Variants in WDR47 observed in about 807,000 individuals in gnomAD.
The protein encoded by WDR47 is WD repeat-containing protein 47.
WDR47 carries 32 observed loss-of-function variants against 97.2 expected under a neutral mutation model. That is an observed-to-expected ratio of 0.33 (90% CI 0.25 to 0.44). The LOEUF (loss-of-function observed/expected upper bound fraction) is 0.44, where lower values mean the gene tolerates loss of function less well. WDR47 is among the 20% of genes least tolerant of loss of function. The pLI is 1.00. For synonymous variants in WDR47, 375 were observed against 373.5 expected (o/e 1.00, Z -0.05); for missense variants, 782 against 1,102.3 (o/e 0.71, Z 4.11).
intron 5 of WDR47, among the ~76,000 whole-genome samples, chr1:109,008,473 G>C (rs150823126): frequency 5.1e-4 from 78 of 152,158 alleles, no homozygotes; most frequent in African/African-American, 1.8e-3. Context: ...ACATTGGCCA[G>C]GCTGGTCTCA....
chr1:108,975,556 G>A (rs930674468), intron 13 of WDR47, among the ~76,000 whole-genome samples: 2 of 151,900 alleles, frequency 1.3e-5, no homozygotes, highest in Non-Finnish European at 2.9e-5. Flanking sequence ...GGGAGGCGGA[G>A]GTTGCAGTGA....
Position 108,971,349 on chromosome 1 carries a change from G to C in WDR47, c.*81C>G. 1 of 1,575,546 alleles carries C rather than the reference G, an allele frequency of 6.3e-7. No homozygotes were observed. Among genetic ancestry groups the C allele is most frequent in the South Asian group, 1.2e-5 (1 of 86,738 alleles). ...GCTAAACCACTTTCCTGGACACTAT[G>C]TTCTTCAGATTTGTAATTTTCACAA... On this transcript the variant is annotated 3_prime_UTR_variant, in exon 15 of 15. Transcript: ENST00000369962.
intron 5 of WDR47, among the ~76,000 whole-genome samples, 183 bp from the exon 6 acceptor site, chr1:109,004,898 C>T (rs1660481441): frequency 6.6e-6 from 1 of 152,124 alleles, no homozygotes; most frequent in Admixed American, 6.6e-5. Flanking sequence ...TCAAGCAATT[C>T]TCCTGCCTCA....
intron 1 of WDR47, chr1:109,030,181 G>T: frequency 1.4e-6 from 2 of 1,472,766 alleles, no homozygotes; most frequent in South Asian, 2.4e-5. Flanking sequence ...AAATGCCCAG[G>T]ATAATATAAA....
chr1:108,973,862 GAA>G (rs1657669959), intron 14 of WDR47, among the ~76,000 whole-genome samples: 1 of 146,134 alleles, frequency 6.8e-6, no homozygotes, highest in Non-Finnish European at 1.5e-5. Flanking sequence ...CAGCCTGGGT[GAA>G]AGAGTGAGAC....
intron 1 of WDR47, among the ~76,000 whole-genome samples, chr1:109,039,652 C>T (rs1336642088): frequency 6.6e-6 from 1 of 152,152 alleles, no homozygotes; most frequent in Non-Finnish European, 1.5e-5. Flanking sequence ...TTTGGCTATT[C>T]GGTGTAATAG....
At chr1:109,033,258 A>G (rs1309631575) in intron 1 of WDR47, among the ~76,000 whole-genome samples, 1 of 152,032 alleles carries the variant, frequency 6.6e-6, no homozygotes, top group African/African-American at 2.4e-5. Context: ...TCACGCCACT[A>G]CACTCCAGCT....
intron 5 of WDR47, among the ~76,000 whole-genome samples, chr1:109,005,171 G>A (rs1170434509): frequency 2.6e-5 from 4 of 152,168 alleles, no homozygotes; most frequent in Non-Finnish European, 5.9e-5. Flanking sequence ...GGAGGCCAAG[G>A]CAGGCAGCTC....
At chr1:109,003,175 A>C (rs1571196583) in intron 6 of WDR47, among the ~76,000 whole-genome samples, 1 of 152,304 alleles carries the variant, frequency 6.6e-6, no homozygotes, top group East Asian at 1.9e-4. Context: ...GTCAGTTTAC[A>C]GTATTGTTCA....
intron 7 of WDR47, among the ~76,000 whole-genome samples, chr1:108,998,089 A>G (rs1659899472): frequency 2.0e-5 from 3 of 152,198 alleles, no homozygotes; most frequent in Admixed American, 6.6e-5. Flanking sequence ...CATTTCTCAA[A>G]TTGTGTTCTG....
intron 6 of WDR47, among the ~76,000 whole-genome samples, chr1:109,003,656 A>G (rs1660372284): frequency 6.6e-6 from 1 of 152,010 alleles, no homozygotes; most frequent in Admixed American, 6.6e-5. Context: ...TAGCTGTGAC[A>G]CCACGCCTGG....
intron 1 of WDR47, chr1:109,030,066 A>C: frequency 1.6e-6 from 1 of 624,800 alleles, no homozygotes; most frequent in South Asian, 2.9e-5. Flanking sequence ...ACAGGAGAAC[A>C]TGCCTCTCGC....
At chr1:109,040,151 ATCAG>A (rs1311837854) in intron 1 of WDR47, among the ~76,000 whole-genome samples, 1 of 152,208 alleles carries the variant, frequency 6.6e-6, no homozygotes, top group Non-Finnish European at 1.5e-5. Context: ...AGAATGAGAA[ATCAG>A]TCAATGTTAA....
At chr1:109,040,416 C>G (rs900658050) in intron 1 of WDR47, among the ~76,000 whole-genome samples, 7 of 151,822 alleles carry the variant, frequency 4.6e-5, no homozygotes, top group African/African-American at 1.7e-4. Flanking sequence ...TACCCCTGTT[C>G]TCTTATGACA....
At chr1:109,029,265 C>T (rs1662445790) in intron 1 of WDR47, among the ~76,000 whole-genome samples, 1 of 152,144 alleles carries the variant, frequency 6.6e-6, no homozygotes, top group African/African-American at 2.4e-5. Context: ...TGGCTCATGG[C>T]TATAATCCCA....
In WDR47 at chr1:109,010,142, A is replaced by G. The variant is rs182716889; in HGVS notation, c.1130+774T>C. 3.1e-3 allele frequency among the ~76,000 whole-genome samples: 470 copies of G among 152,334 alleles called. 4 individuals are homozygous for G. Among genetic ancestry groups the G allele is most frequent in the African/African-American group, 9.6e-3 (399 of 41,580 alleles). ...TCTTCACAGCACATGTATTATATCT[A>G]TAACCAGCAAAAGAATAAGATATAA... On this transcript the variant is annotated intron_variant, in intron 5 of 14. Transcript: ENST00000369962.
intron 1 of WDR47, among the ~76,000 whole-genome samples, chr1:109,039,063 A>G (rs1206931651): frequency 6.6e-6 from 1 of 152,184 alleles, no homozygotes; most frequent in African/African-American, 2.4e-5. Flanking sequence ...TACTATATGA[A>G]GAAACTCCTA....
At chr1:109,031,201 A>G (rs1202781315) in intron 1 of WDR47, among the ~76,000 whole-genome samples, 1 of 140,176 alleles carries the variant, frequency 7.1e-6, no homozygotes, top group East Asian at 2.1e-4. Flanking sequence ...ATCACCTAAC[A>G]TTTGTAACAT....
intron 13 of WDR47, among the ~76,000 whole-genome samples, chr1:108,980,743 C>CA (rs1293495876): frequency 6.8e-6 from 1 of 146,722 alleles, no homozygotes; most frequent in East Asian, 1.9e-4. Flanking sequence ...ACAACAACAA[C>CA]AAAAAAACTA....
Sources: allele counts gnomAD v4.1 joint callset (sites outside exome capture counted in the v4.1 genomes callset), GRCh38; gene constraint gnomAD v4.1.1; transcripts MANE v1.5; gene names NCBI Gene and HGNC (gene_info 2026-07-23, HGNC 2026-07-21).